Variants in PHF14 observed in about 807,000 individuals in gnomAD.
PHF14 encodes the protein PHD finger protein 14.
PHF14 carries 55 observed loss-of-function variants against 117.9 expected under a neutral mutation model. That is an observed-to-expected ratio of 0.47 (90% CI 0.38 to 0.58). The LOEUF is 0.58. PHF14 is among the 20% of genes least tolerant of loss of function. The probability of loss-of-function intolerance (pLI) is 0.00; values close to 1 mark genes in which losing one functional copy is unlikely to be tolerated. For synonymous variants in PHF14, 409 were observed against 368.6 expected, an observed-to-expected ratio of 1.11 and a Z score of -1.26; for missense variants, 978 against 1,122.2, an observed-to-expected ratio of 0.87 and a Z score of 1.84.
At chr7:11,165,488 G>A (rs1035547584) in intron 17 of PHF14, among the ~76,000 whole-genome samples, 3 of 152,156 alleles carry the variant, frequency 2.0e-5, no homozygotes, top group Non-Finnish European at 4.4e-5. Flanking sequence ...AATAGGGAGA[G>A]TTGCCTCTTT....
intron 4 of PHF14, among the ~76,000 whole-genome samples, chr7:11,012,963 A>G (rs1013331143): frequency 7.9e-5 from 12 of 152,138 alleles, no homozygotes; most frequent in Admixed American, 5.9e-4. Flanking sequence ...TGCTTTTACA[A>G]TTGTATTATA....
intron 4 of PHF14, among the ~76,000 whole-genome samples, chr7:10,994,378 G>T (rs532019010): frequency 3.3e-5 from 5 of 152,232 alleles, no homozygotes; most frequent in Non-Finnish European, 1.5e-5. Flanking sequence ...GGCAGAGGTT[G>T]CAGTGAGCTG....
intron 16 of PHF14, among the ~76,000 whole-genome samples, chr7:11,079,944 T>A (rs997973961): frequency 6.6e-6 from 1 of 152,158 alleles, no homozygotes; most frequent in Non-Finnish European, 1.5e-5. Flanking sequence ...GCCATACTTT[T>A]GATTGTCACT....
chr7:11,053,475 C>T (rs966562091), intron 14 of PHF14, among the ~76,000 whole-genome samples: 5 of 151,806 alleles, frequency 3.3e-5, no homozygotes, highest in Admixed American at 1.3e-4. Context: ...TTAAATAAGC[C>T]GGCTAGTTTC....
In PHF14 at chr7:11,159,621, G is replaced by A. The variant is rs565485679; in HGVS notation, c.2773-9795G>A. ...AAACTACATTCTTGACTTTATCAAT[G>A]TGGGTATCTTGGTTATAAGATTACA... On this transcript the variant is annotated intron_variant, in intron 17 of 17. Coordinates refer to ENST00000634607, the MANE Select transcript of PHF14 (RefSeq NM_001007157.2). 2.6e-5 allele frequency among the ~76,000 whole-genome samples: 4 copies of A among 152,190 alleles called. No homozygotes were observed. In the South Asian group the frequency reaches 8.3e-4, roughly 32 times the overall value.
intron 17 of PHF14, among the ~76,000 whole-genome samples, chr7:11,121,590 G>C (rs1787754263): frequency 6.6e-6 from 1 of 152,068 alleles, no homozygotes; most frequent in Middle Eastern, 3.2e-3. Flanking sequence ...TATCAAAATT[G>C]TTAACATCAC....
chr7:11,107,382 G>C, intron 16 of PHF14: 1 of 864,078 alleles, frequency 1.2e-6, no homozygotes, highest in Non-Finnish European at 1.4e-6. Flanking sequence ...TTTTGTTAAT[G>C]GGTAAAAGAC....
chr7:11,157,847 T>C (rs1405860144), intron 17 of PHF14, among the ~76,000 whole-genome samples: 1 of 152,154 alleles, frequency 6.6e-6, no homozygotes, highest in Non-Finnish European at 1.5e-5. Flanking sequence ...TTTCCATAAC[T>C]CTGATTGCCT....
chr7:11,021,367 A>G (rs1478492629), intron 5 of PHF14, among the ~76,000 whole-genome samples: 1 of 152,194 alleles, frequency 6.6e-6, no homozygotes, highest in Non-Finnish European at 1.5e-5. Context: ...GATGAGCAAG[A>G]AACTATTTAC....
rs145572918 is a variant in PHF14, at chr7:11,085,329, C to T, written c.2654+23244C>T. Among the ~76,000 whole-genome samples the T allele has an allele frequency of 1.8e-3, 269 of 152,224 alleles. 3 individuals carry two copies. In the East Asian group the frequency reaches 0.019, roughly 11 times the overall value. On this transcript the variant is annotated intron_variant, in intron 16 of 17. Transcript: ENST00000634607. Reference sequence around the variant, plus strand: ...GTCATATTCTTCTGTTGATTTAAAACAATTTATTAGTTTTCAGAGGCTCTA... The same window carrying T: ...GTCATATTCTTCTGTTGATTTAAAATAATTTATTAGTTTTCAGAGGCTCTA...
intron 17 of PHF14, 61 bp from the exon 18 acceptor site, chr7:11,169,355 A>G (rs546098108): frequency 6.7e-6 from 5 of 741,108 alleles, no homozygotes; most frequent in South Asian, 5.7e-5. Context: ...AAATCTGTCA[A>G]GTATAGCTGA....
chr7:11,124,648 T>C (rs945584089), intron 17 of PHF14, among the ~76,000 whole-genome samples: 40 of 152,018 alleles, frequency 2.6e-4, no homozygotes, highest in African/African-American at 9.4e-4. Context: ...TTCAGAGAAG[T>C]TAAGGATTAC....
At chr7:11,161,766 T>A (rs1055691717) in intron 17 of PHF14, among the ~76,000 whole-genome samples, 13 of 106,726 alleles carry the variant, frequency 1.2e-4, no homozygotes, top group African/African-American at 5.3e-4. Context: ...AGATTTTAGA[T>A]AACATTTTTA....
chr7:11,155,926 T>A (rs1463641273), intron 17 of PHF14, among the ~76,000 whole-genome samples: 2 of 152,186 alleles, frequency 1.3e-5, no homozygotes, highest in Non-Finnish European at 2.9e-5. Flanking sequence ...ATTTTGTCCT[T>A]ATGTTTTATA....
intron 2 of PHF14, among the ~76,000 whole-genome samples, chr7:10,978,265 T>G (rs1269953713): frequency 6.6e-6 from 1 of 152,164 alleles, no homozygotes; most frequent in East Asian, 1.9e-4. Context: ...AATATTAGAA[T>G]AAGTAAGTAA....
chr7:11,011,666 G>T (rs1420503317), intron 4 of PHF14, among the ~76,000 whole-genome samples: 1 of 152,140 alleles, frequency 6.6e-6, no homozygotes, highest in Admixed American at 6.5e-5. Flanking sequence ...TGATACTTCA[G>T]GACAAGAATT....
chr7:10,975,469 A>G (rs1473092488), intron 2 of PHF14, among the ~76,000 whole-genome samples: 1 of 152,228 alleles, frequency 6.6e-6, no homozygotes, highest in African/African-American at 2.4e-5. Flanking sequence ...ATGTCTCTGA[A>G]GTATAAGTCA....
At chr7:11,070,437 A>G (rs1163446455) in intron 16 of PHF14, among the ~76,000 whole-genome samples, 2 of 152,184 alleles carry the variant, frequency 1.3e-5, no homozygotes, top group African/African-American at 4.8e-5. Flanking sequence ...CTTCTTTCTT[A>G]TATGTCAGCA....
At chr7:11,064,560 C>T (rs1194892388) in intron 16 of PHF14, among the ~76,000 whole-genome samples, 3 of 151,962 alleles carry the variant, frequency 2.0e-5, no homozygotes, top group African/African-American at 7.2e-5. Flanking sequence ...GTTTATATCA[C>T]ACTAGAATCT....
Sources: gnomAD v4.1 joint callset for allele counts (sites outside exome capture counted in the v4.1 genomes callset) on GRCh38, gnomAD v4.1.1 for gene constraint, MANE v1.5 for transcripts, NCBI Gene and HGNC (gene_info 2026-07-23, HGNC 2026-07-21) for gene names.